Variants in RC3H1 observed in about 807,000 individuals in gnomAD.
RC3H1 encodes ring finger and CCCH-type domains 1.
RC3H1 carries 50 observed loss-of-function variants against 138.2 expected under a neutral mutation model. The observed-to-expected ratio is 0.36, with a 90% CI of 0.29 to 0.46. The LOEUF is 0.46. Ranked by LOEUF, RC3H1 falls within the 20% of genes least tolerant of loss-of-function variation. RC3H1 has a pLI of 1.00. For missense variants in RC3H1, 1,031 were observed against 1,388.1 expected, an observed-to-expected ratio of 0.74 and a Z score of 4.09; for synonymous variants, 462 against 489.1, an observed-to-expected ratio of 0.94 and a Z score of 0.73.
At chr1:173,990,669 T>C (rs1197237728) in intron 2 of RC3H1, among the ~76,000 whole-genome samples, 1 of 149,792 alleles carries the variant, frequency 6.7e-6, no homozygotes, top group Non-Finnish European at 1.5e-5. Context: ...GCCTCCCGGG[T>C]TCACACCATT....
At chr1:173,939,068 A>G (rs1463306624) in intron 19 of RC3H1, among the ~76,000 whole-genome samples, 197 bp from the exon 20 acceptor site, 1 of 151,928 alleles carries the variant, frequency 6.6e-6, no homozygotes, top group Non-Finnish European at 1.5e-5. Flanking sequence ...TTTCAGGTGC[A>G]TATTTTTGTA....
intron 7 of RC3H1, among the ~76,000 whole-genome samples, chr1:173,977,798 G>T (rs930142036): frequency 6.6e-6 from 1 of 152,088 alleles, no homozygotes; most frequent in African/African-American, 2.4e-5. Context: ...GGTCAGAAGA[G>T]AACTATGAGA....
chr1:173,991,321 T>C (rs1176031194), intron 2 of RC3H1, among the ~76,000 whole-genome samples: 1 of 152,246 alleles, frequency 6.6e-6, no homozygotes, highest in African/African-American at 2.4e-5. Context: ...ACTCATCTTA[T>C]ATCCTGCAAC....
In RC3H1 at chr1:173,932,963, G is replaced by C. The variant is rs1658443733; in HGVS notation, c.*5758C>G. The C allele has an allele frequency of 6.6e-6, 1 of 152,004 alleles. No individual in the cohort carries two copies. Among genetic ancestry groups the C allele is most frequent in the South Asian group, 2.1e-4 (1 of 4,838 alleles). 9.4% of individuals were successfully genotyped at this position (152,004 alleles called of 1,614,324 possible). A position where few individuals can be genotyped will look rare whatever the true frequency, so the allele number is the denominator to read the frequency against. Reference sequence around the variant, plus strand: ...TGTACAACCTAAAATGGATGCCAAAGACTTGTGAGCTCTGTCTGCTTAGAG... The same window carrying C: ...TGTACAACCTAAAATGGATGCCAAACACTTGTGAGCTCTGTCTGCTTAGAG... On this transcript the variant is annotated 3_prime_UTR_variant, in exon 20 of 20. Coordinates refer to ENST00000367696, the MANE Select transcript of RC3H1 (RefSeq NM_172071.4).
chr1:174,010,572 CCTGG>C (rs1243317450), intron 1 of RC3H1, among the ~76,000 whole-genome samples: 1 of 152,078 alleles, frequency 6.6e-6, no homozygotes, highest in African/African-American at 2.4e-5. Flanking sequence ...CGCCATCATG[CCTGG>C]CTGTTTTTTT....
chr1:173,970,007 A>C (rs2102964950), intron 9 of RC3H1, among the ~76,000 whole-genome samples: 1 of 152,246 alleles, frequency 6.6e-6, no homozygotes, highest in Admixed American at 6.5e-5. Context: ...ATGCAATAAA[A>C]GCTGAAGAAA....
chr1:173,961,019 T>C (rs1416862442), intron 13 of RC3H1, 58 bp downstream of exon 13: 1 of 1,540,904 alleles, frequency 6.5e-7, no homozygotes, highest in Non-Finnish European at 8.8e-7. Flanking sequence ...CAAAGATGAC[T>C]TAAACCGGAC....
intron 1 of RC3H1, chr1:174,016,264 T>C (rs1478848154): frequency 6.6e-6 from 1 of 152,090 alleles, no homozygotes; most frequent in East Asian, 1.9e-4. Flanking sequence ...CCACTAAATG[T>C]TAGTCTAAAA....
intron 1 of RC3H1, among the ~76,000 whole-genome samples, chr1:174,018,076 G>A (rs1661895533): frequency 6.6e-6 from 1 of 152,026 alleles, no homozygotes; most frequent in Non-Finnish European, 1.5e-5. Context: ...AAGTAGCCAG[G>A]TAAGGCGGGA....
intron 9 of RC3H1, among the ~76,000 whole-genome samples, chr1:173,968,578 C>A (rs575678977): frequency 6.6e-6 from 1 of 152,150 alleles, no homozygotes; most frequent in South Asian, 2.1e-4. Flanking sequence ...ATTCTCATTT[C>A]TTTTGTTTCT....
Position 173,964,273 on chromosome 1 carries a change from G to T in RC3H1, c.1617-86C>A, listed in dbSNP as rs141375511. The stretch of plus-strand genomic sequence containing the variant: ...CAAGTAAAAAAGATTGCTACAATTT[G>T]GGAAACTCACTTATTCTAATAGTCC... On this transcript the variant is annotated intron_variant, in intron 10 of 19. Coordinates refer to ENST00000367696, the MANE Select transcript of RC3H1 (RefSeq NM_172071.4). 1,325 of 1,126,112 alleles carry T rather than the reference G, an allele frequency of 1.2e-3. 12 individuals are homozygous for T. In the African/African-American group the frequency reaches 0.017, roughly 14 times the overall value. The allele number at this position is 1,126,112 out of a possible 1,614,324, so 69.8% of individuals were successfully genotyped here.
chr1:173,953,982 G>A (rs906080876), intron 13 of RC3H1, among the ~76,000 whole-genome samples: 1 of 151,914 alleles, frequency 6.6e-6, no homozygotes, highest in Non-Finnish European at 1.5e-5. Flanking sequence ...GAGGTTGCAG[G>A]GAGCCAAGTT....
At chr1:173,979,009 G>A (rs560261226) in intron 6 of RC3H1, among the ~76,000 whole-genome samples, 1 of 152,222 alleles carries the variant, frequency 6.6e-6, no homozygotes, top group South Asian at 2.1e-4. Context: ...CCAATATGGT[G>A]ACCTTGGCAA....
intron 9 of RC3H1, among the ~76,000 whole-genome samples, chr1:173,968,050 G>A (rs888806506): frequency 2.6e-5 from 4 of 152,148 alleles, no homozygotes; most frequent in African/African-American, 9.7e-5. Context: ...GGTCACTGAT[G>A]TGAAATGCCA....
At chr1:173,954,445 G>C (rs907239367) in intron 13 of RC3H1, among the ~76,000 whole-genome samples, 1 of 152,098 alleles carries the variant, frequency 6.6e-6, no homozygotes, top group Non-Finnish European at 1.5e-5. Context: ...GAAGGGGAGA[G>C]AGCTTGGTTA....
intron 14 of RC3H1, among the ~76,000 whole-genome samples, chr1:173,949,300 C>G (rs1173248844): frequency 3.3e-5 from 5 of 151,686 alleles, no homozygotes; most frequent in African/African-American, 1.2e-4. Context: ...CCTAGGAAAC[C>G]TCTGTTAGAG....
chr1:173,993,260 C>A, intron 1 of RC3H1, 125 bp from the exon 2 acceptor site: 1 of 389,526 alleles, frequency 2.6e-6, no homozygotes, highest in South Asian at 3.2e-5. Flanking sequence ...TGTAATCCAT[C>A]TTTTTACACT....
chr1:173,954,032 C>T (rs1296811873), intron 13 of RC3H1, among the ~76,000 whole-genome samples: 1 of 151,986 alleles, frequency 6.6e-6, no homozygotes, highest in African/African-American at 2.4e-5. Context: ...GAGTGAGACT[C>T]CATCTCAAAT....
At chr1:173,992,589 C>T (rs1183386231) in intron 2 of RC3H1, among the ~76,000 whole-genome samples, 166 bp downstream of exon 2, 1 of 151,842 alleles carries the variant, frequency 6.6e-6, no homozygotes. Flanking sequence ...CAGTACCAAA[C>T]AGAATTATAC....
Sources: gnomAD v4.1 joint callset for allele counts (sites outside exome capture counted in the v4.1 genomes callset) on GRCh38, gnomAD v4.1.1 for gene constraint, MANE v1.5 for transcripts, NCBI Gene and HGNC (gene_info 2026-07-23, HGNC 2026-07-21) for gene names.